The following SERPINA12 variants were observed in gnomAD, a reference collection of about 807,000 sequenced individuals.
The protein encoded by SERPINA12 is serpin family A member 12, also known as serpin A12.
Under a neutral mutation model 25.9 loss-of-function variants are expected in SERPINA12, and 21 were observed. That is an observed-to-expected ratio of 0.81 (90% confidence interval 0.58 to 1.17). The LOEUF (loss-of-function observed/expected upper bound fraction) is 1.17, where lower values mean the gene tolerates loss of function less well. Among genes scored for constraint, SERPINA12 ranks in the 50% most tolerant of loss-of-function variants. SERPINA12 has a pLI of 0.00. For missense variants in SERPINA12, 562 were observed against 508.3 expected, an observed-to-expected ratio of 1.11 and a Z score of -1.02; for synonymous variants, 220 against 196.0, an observed-to-expected ratio of 1.12 and a Z score of -1.02.
chr14:94,512,517 G>A (rs1467809793), upstream of SERPINA12, among the ~76,000 whole-genome samples: 1 of 152,168 alleles, frequency 6.6e-6, no homozygotes, highest in Non-Finnish European at 1.5e-5. Context: ...CTATTAATGG[G>A]CATTACTAAT....
intron 1 of SERPINA12, among the ~76,000 whole-genome samples, chr14:94,509,055 A>T (rs1595700654): frequency 6.6e-6 from 1 of 152,154 alleles, no homozygotes; most frequent in Non-Finnish European, 1.5e-5. Context: ...GGACTCAAAA[A>T]TCAGGTCTTC....
intron 3 of SERPINA12, among the ~76,000 whole-genome samples, chr14:94,490,808 T>A (rs1367881322): frequency 6.6e-6 from 1 of 152,184 alleles, no homozygotes; most frequent in African/African-American, 2.4e-5. Context: ...CAGCTCTCAG[T>A]GAGCCGCACG....
At chr14:94,516,668 C>T (rs1901243049) in intron 1 of SERPINA12, among the ~76,000 whole-genome samples, 1 of 152,216 alleles carries the variant, frequency 6.6e-6, no homozygotes, top group Admixed American at 6.5e-5. Flanking sequence ...TACACTGACA[C>T]ACCTGGCTGG....
intron 4 of SERPINA12, among the ~76,000 whole-genome samples, chr14:94,489,109 A>C (rs1900028746): frequency 6.6e-6 from 1 of 151,606 alleles, no homozygotes; most frequent in South Asian, 2.1e-4. Flanking sequence ...AACAAAATAA[A>C]AGAAAGAAAG....
intron 2 of SERPINA12, 63 bp from the exon 3 acceptor site, chr14:94,496,706 CT>C: frequency 7.2e-7 from 1 of 1,383,166 alleles, no homozygotes; most frequent in Non-Finnish European, 1.0e-6. Flanking sequence ...CTAAATCCAA[CT>C]AACCAGTAGT....
chr14:94,501,053 T>A (rs1243912096), intron 1 of SERPINA12: 1 of 985,296 alleles, frequency 1.0e-6, no homozygotes, highest in African/African-American at 1.7e-5. Context: ...CAGCTGGTGA[T>A]GAACAAGGGC....
rs550240125 is a variant in SERPINA12, at chr14:94,491,651, C to T, written c.906-1884G>A. Among the ~76,000 whole-genome samples, 6 of 152,120 alleles carry T rather than the reference C, an allele frequency of 3.9e-5. No individual in the cohort carries two copies. In the South Asian group the frequency reaches 6.3e-4, roughly 16 times the overall value. On this transcript the variant is annotated intron_variant, in intron 3 of 4. Coordinates refer to ENST00000677451, the MANE Select transcript of SERPINA12 (RefSeq NM_001382267.1). ...TAGGCTAAAGGAGTTTCCTGACAGA[C>T]TGAATGAGGCATTTGAGGGTGGTCA...
chr14:94,509,279 A>AACACACACACACACACACAC (rs3065835), intron 1 of SERPINA12, among the ~76,000 whole-genome samples, 63 bp downstream of exon 1: 2 of 134,726 alleles, frequency 1.5e-5, no homozygotes, highest in African/African-American at 5.5e-5. Flanking sequence ...AGAAACAGAC[A>AACACACACACACACACACAC]ACACACACAC....
At chr14:94,493,680 A>C (rs1011465914) in intron 3 of SERPINA12, among the ~76,000 whole-genome samples, 1 of 152,138 alleles carries the variant, frequency 6.6e-6, no homozygotes, top group Non-Finnish European at 1.5e-5. Flanking sequence ...AGAGCAGCTT[A>C]CACTTGGACT....
chr14:94,493,725 C>T (rs1480411080), intron 3 of SERPINA12, among the ~76,000 whole-genome samples: 1 of 152,108 alleles, frequency 6.6e-6, no homozygotes, highest in African/African-American at 2.4e-5. Context: ...TGTAAGTTAT[C>T]CTGGGTCCCT....
rs1278161134 is a variant in SERPINA12, at chr14:94,498,190, T to C, written c.208A>G (p.Arg70Gly). The C allele has an allele frequency of 9.3e-6, 15 of 1,614,094 alleles. No individual in the cohort carries two copies. Among genetic ancestry groups the C allele is most frequent in the Non-Finnish European group, 1.3e-5 (15 of 1,180,036 alleles). The stretch of plus-strand genomic sequence containing the variant: ...CTCAAGGGGGATAGGAAGATGTTCC[T>C]GCCAGGGTTGTAAAAGGCCAGCTTC... ...LKKLAFYNPG[R>G]NIFLSPLSIS... The change falls in exon 2 of 5, where the codon AGG becomes GGG. Residue 70 changes from arginine to glycine, a missense_variant. Arg to Gly is a moderately radical substitution (Grantham distance 125, BLOSUM62 -2). Coordinates refer to ENST00000677451, the MANE Select transcript of SERPINA12 (RefSeq NM_001382267.1).
chr14:94,509,279 A>AACACACAC (rs3065835), intron 1 of SERPINA12, among the ~76,000 whole-genome samples, 63 bp downstream of exon 1: 4,555 of 134,620 alleles, frequency 0.034, 83 homozygotes, highest in South Asian at 0.042. Context: ...AGAAACAGAC[A>AACACACAC]ACACACACAC....
chr14:94,497,726 A>G (rs762161691), intron 2 of SERPINA12, 38 bp downstream of exon 2: 5 of 1,553,064 alleles, frequency 3.2e-6, no homozygotes, highest in Non-Finnish European at 4.3e-6. Flanking sequence ...TCTAGTGGTC[A>G]TCCTATTCTT....
intron 1 of SERPINA12, among the ~76,000 whole-genome samples, chr14:94,505,910 G>C (rs915883408): frequency 3.3e-5 from 5 of 152,232 alleles, no homozygotes; most frequent in African/African-American, 9.6e-5. Context: ...CTACACCTGG[G>C]TTGGGAGTTG....
chr14:94,517,217 G>T (rs1026497975), intron 1 of SERPINA12, among the ~76,000 whole-genome samples: 1 of 152,382 alleles, frequency 6.6e-6, no homozygotes, highest in Middle Eastern at 3.4e-3. Flanking sequence ...CACCCAGGCA[G>T]TGCCTGTCGC....
chr14:94,495,303 C>T (rs1037186664), intron 3 of SERPINA12, among the ~76,000 whole-genome samples: 3 of 151,838 alleles, frequency 2.0e-5, no homozygotes, highest in East Asian at 1.9e-4. Context: ...CTCCTGACCT[C>T]GTGATCCGCC....
rs1204819211 is a variant in SERPINA12 at position 94,508,331 on chromosome 14, A to C, written c.-34+1011T>G. Among the ~76,000 whole-genome samples, 3 of 152,376 alleles carry C rather than the reference A, an allele frequency of 2.0e-5. No individual in the cohort carries two copies. In the East Asian group the frequency reaches 5.8e-4, roughly 29 times the overall value. ...TTACCCTAAAAAGCTTCTAGTACAA[A>C]ATGTTGAAAATCTTTCCACACAAAA... On this transcript the variant is annotated intron_variant, in intron 1 of 4. Transcript: ENST00000677451.
At chr14:94,488,812 G>C (rs1900013645) in intron 4 of SERPINA12, among the ~76,000 whole-genome samples, 1 of 152,138 alleles carries the variant, frequency 6.6e-6, no homozygotes, top group Non-Finnish European at 1.5e-5. Flanking sequence ...GAAACATGTG[G>C]CCTTGGGCGC....
chr14:94,514,121 G>T (rs922584227), upstream of SERPINA12, among the ~76,000 whole-genome samples: 1 of 152,242 alleles, frequency 6.6e-6, no homozygotes, highest in Non-Finnish European at 1.5e-5. Flanking sequence ...AAAGCCCTGG[G>T]ACAGTGCCTG....
Sources: gnomAD v4.1 joint callset for allele counts (sites outside exome capture counted in the v4.1 genomes callset) on GRCh38, gnomAD v4.1.1 for gene constraint, MANE v1.5 for transcripts, NCBI Gene and HGNC (gene_info 2026-07-23, HGNC 2026-07-21) for gene names.